The following ELF1 variants were observed in gnomAD, a reference collection of about 807,000 sequenced individuals.
ELF1 encodes the protein E74 like ETS transcription factor 1, also known as ETS-related transcription factor Elf-1.
ELF1 carries 24 observed loss-of-function variants against 59.9 expected under a neutral mutation model. The ratio of observed to expected loss-of-function variants is 0.40; its 90% CI spans 0.29 to 0.56. The LOEUF is 0.56. Among genes scored for constraint, ELF1 ranks in the 20% least tolerant of loss-of-function variants. The pLI is 0.44. For missense variants in ELF1, 627 were observed against 742.2 expected, an observed-to-expected ratio of 0.84 and a Z score of 1.80; for synonymous variants, 248 against 266.2, an observed-to-expected ratio of 0.93 and a Z score of 0.67.
chr13:40,954,682 G>A (rs1296606369), intron 3 of ELF1, among the ~76,000 whole-genome samples: 4 of 152,220 alleles, frequency 2.6e-5, no homozygotes, highest in Middle Eastern at 3.4e-3. Flanking sequence ...GCTCCTAACC[G>A]CGAGTGATCC....
Position 41,058,929 on chromosome 13 carries a change from C to T in ELF1, c.-229+1909G>A, listed in dbSNP as rs895597151. On this transcript the variant is annotated intron_variant, in intron 1 of 1. Transcript: ENST00000405737. ...CGGAGGTTGCAGTGAGCTGAGATCG[C>T]GCCAATGCCCTCCAGCCTGGGTTAA... Among the ~76,000 whole-genome samples, 34 of 152,182 alleles carry T rather than the reference C, an allele frequency of 2.2e-4. 1 individual carries two copies. Among genetic ancestry groups the T allele is most frequent in the Admixed American group, 1.8e-3 (28 of 15,278 alleles).
chr13:41,056,582 T>C (rs1269968860), intron 1 of ELF1, among the ~76,000 whole-genome samples: 1 of 152,240 alleles, frequency 6.6e-6, no homozygotes, highest in African/African-American at 2.4e-5. Flanking sequence ...CCATTATACA[T>C]TTCCAGCAGC....
rs565268586 is a variant in ELF1, at chr13:40,962,623, T to C, written c.73-3607A>G. Among the ~76,000 whole-genome samples, 361 of 150,368 alleles carry C rather than the reference T, an allele frequency of 2.4e-3. 2 individuals carry two copies. Among genetic ancestry groups the C allele is most frequent in the African/African-American group, 8.5e-3 (345 of 40,820 alleles). The stretch of plus-strand genomic sequence containing the variant: ...ATGGCTTGAACCTGGGAGGCGGAGG[T>C]TGCAGTGAACCAAGGTCGCACCACT... On this transcript the variant is annotated intron_variant, in intron 2 of 8. Transcript: ENST00000239882.
intron 3 of ELF1, among the ~76,000 whole-genome samples, chr13:40,958,099 C>T (rs977951088): frequency 3.3e-5 from 5 of 152,174 alleles, no homozygotes; most frequent in African/African-American, 1.2e-4. Context: ...TCCACAACAT[C>T]CCTGGCCAAG....
At chr13:41,028,715 A>G (rs541416150) in intron 1 of ELF1, among the ~76,000 whole-genome samples, 56 of 152,164 alleles carry the variant, frequency 3.7e-4, no homozygotes, top group African/African-American at 1.3e-3. Context: ...ACTTTATATC[A>G]GTATTTAAGT....
chr13:40,978,415 G>A (rs1288620552), intron 2 of ELF1, among the ~76,000 whole-genome samples: 1 of 151,604 alleles, frequency 6.6e-6, no homozygotes, highest in East Asian at 1.9e-4. Flanking sequence ...TGTAAAGAGA[G>A]TATATACTAA....
chr13:41,059,492 A>G (rs560038090), intron 1 of ELF1, among the ~76,000 whole-genome samples: 3 of 152,222 alleles, frequency 2.0e-5, no homozygotes, highest in Non-Finnish European at 4.4e-5. Context: ...CACATTAACA[A>G]ATTTACTGTG....
chr13:41,013,746 C>T (rs1875205949), intron 1 of ELF1, among the ~76,000 whole-genome samples: 1 of 151,858 alleles, frequency 6.6e-6, no homozygotes, highest in Non-Finnish European at 1.5e-5. Context: ...TATATATTTT[C>T]CTACATGCAC....
chr13:41,032,642 G>A (rs1219245116), intron 1 of ELF1, among the ~76,000 whole-genome samples: 2 of 151,994 alleles, frequency 1.3e-5, no homozygotes, highest in African/African-American at 2.4e-5. Context: ...TTGAGGCAAG[G>A]AGTTCAAGAC....
At position 40,941,171 on chromosome 13, in the gene ELF1, C is replaced by A. The variant is rs2138127085; in HGVS notation, c.1006G>T (p.Gly336Trp). ...TSRSRVSSSPGVKGGATTVLK... is the reference protein window; with the variant it reads ...TSRSRVSSSPWVKGGATTVLK... The stretch of plus-strand genomic sequence containing the variant: ...ACTGTAGTGGCTCCTCCTTTTACCC[C>A]TGGACTTGAAGATACTCTCGACCGG... The change falls in exon 8 of 9, where the codon GGG becomes TGG. Residue 336 changes from glycine to tryptophan, a missense_variant. Gly to Trp is a radical substitution (Grantham distance 184). Transcript: ENST00000239882. 1 of 1,614,062 alleles carries A rather than the reference C, an allele frequency of 6.2e-7. No individual in the cohort carries two copies. Among genetic ancestry groups the A allele is most frequent in the Non-Finnish European group, 8.5e-7 (1 of 1,179,922 alleles).
chr13:40,933,207 A>G lies in ELF1; in HGVS notation c.*218T>C. 1.8e-6 allele frequency: 1 copy of G among 556,048 alleles called. No homozygotes were observed. Among genetic ancestry groups the G allele is most frequent in the Non-Finnish European group, 3.0e-6 (1 of 332,422 alleles). 34.4% of individuals were successfully genotyped at this position (556,048 alleles called of 1,614,324 possible). On this transcript the variant is annotated 3_prime_UTR_variant, in exon 9 of 9. Coordinates refer to ENST00000239882, the MANE Select transcript of ELF1 (RefSeq NM_172373.4). ...TCTCAAAAGAATGTCTTCATAGTGT[A>G]AAATGCCTGTTCCTTCACGATTGAA...
chr13:40,981,723 A>C (rs1019697787), intron 2 of ELF1, among the ~76,000 whole-genome samples: 1 of 152,158 alleles, frequency 6.6e-6, no homozygotes, highest in African/African-American at 2.4e-5. Flanking sequence ...TTTAGTGTTA[A>C]GTCTCATTTT....
chr13:41,009,125 T>A (rs1032564125), intron 1 of ELF1, among the ~76,000 whole-genome samples: 1 of 151,918 alleles, frequency 6.6e-6, no homozygotes, highest in South Asian at 2.1e-4. Context: ...TGTTAAAATG[T>A]AATGGGCGTA....
chr13:40,934,742 T>G (rs917065412), intron 8 of ELF1, among the ~76,000 whole-genome samples: 1 of 152,192 alleles, frequency 6.6e-6, no homozygotes, highest in Admixed American at 6.5e-5. Context: ...ATTTGAGAGA[T>G]AATGTTACCA....
chr13:40,974,202 TTA>T (rs1006993459), intron 2 of ELF1, among the ~76,000 whole-genome samples: 7 of 152,232 alleles, frequency 4.6e-5, no homozygotes, highest in Non-Finnish European at 8.8e-5. Context: ...GCTGTTTTTT[TTA>T]AAAGGTACAT....
chr13:41,022,637 T>C (rs1875734031), upstream of ELF1, among the ~76,000 whole-genome samples: 1 of 152,160 alleles, frequency 6.6e-6, no homozygotes, highest in Admixed American at 6.5e-5. Context: ...TCCCAGCACT[T>C]TGGGAGGCCA....
chr13:40,961,388 A>G (rs1871809568), intron 2 of ELF1, among the ~76,000 whole-genome samples: 1 of 152,182 alleles, frequency 6.6e-6, no homozygotes, highest in Non-Finnish European at 1.5e-5. Flanking sequence ...TAGGAGGCTC[A>G]AAAATTATAC....
Position 40,982,040 on chromosome 13 carries a change from G to A in ELF1, c.15C>T (p.Val5=), listed in dbSNP as rs761799229. The A allele has an allele frequency of 1.2e-6, 2 of 1,612,006 alleles. No individual in the cohort carries two copies. Among genetic ancestry groups the A allele is most frequent in the Non-Finnish European group, 1.7e-6 (2 of 1,179,012 alleles). The change falls in exon 2 of 9, where the codon GTC becomes GTT. Residue 5 remains valine, a synonymous_variant. Coordinates refer to ENST00000239882, the MANE Select transcript of ELF1 (RefSeq NM_172373.4). MAAV[V]QQNDLVFEFA... ...ATTCAAATACTAGGTCGTTCTGTTG[G>A]ACAACAGCAGCCATAATAAAGCATT...
At chr13:40,956,633 A>ATTG (rs1357747245) in intron 3 of ELF1, among the ~76,000 whole-genome samples, 2 of 150,296 alleles carry the variant, frequency 1.3e-5, no homozygotes, top group Non-Finnish European at 3.0e-5. Flanking sequence ...GTTAAATATA[A>ATTG]TTGTTTTTGC....
Sources: allele counts gnomAD v4.1 joint callset (sites outside exome capture counted in the v4.1 genomes callset), GRCh38; gene constraint gnomAD v4.1.1; transcripts MANE v1.5; gene names NCBI Gene and HGNC (gene_info 2026-07-23, HGNC 2026-07-21).